The following ZMYND12 variants were observed in gnomAD, a reference collection of about 807,000 sequenced individuals.
ZMYND12 encodes the protein zinc finger MYND-type containing 12.
A neutral mutation model predicts 41.7 loss-of-function variants in ZMYND12; 32 were observed. The observed-to-expected ratio is 0.77, with a 90% confidence interval of 0.58 to 1.03. The LOEUF is 1.03. Ranked by LOEUF, ZMYND12 falls within the 50% of genes least tolerant of loss-of-function variation. ZMYND12 has a pLI of 0.00. For missense variants in ZMYND12, 424 were observed against 438.5 expected (o/e 0.97, Z 0.30); for synonymous variants, 148 against 164.8 (o/e 0.90, Z 0.78).
In ZMYND12 at chr1:42,435,328, G is replaced by A; in HGVS notation, c.775C>T (p.His259Tyr). ...NNHYQVLSQA[H>Y]IQQMDLLGKL... ...CCCAGTAAATCCATTTGTTGGATGT[G>A]AGCCTGTGAGAGGACTTGATAGTGA... The change falls in exon 6 of 8, where the codon CAC becomes TAC. Residue 259 changes from histidine (H) to tyrosine (Y), a missense_variant. Coordinates refer to ENST00000372565, the MANE Select transcript of ZMYND12 (RefSeq NM_032257.5). 1.2e-6 allele frequency: 2 copies of A among 1,614,124 alleles called. No individual in the cohort carries two copies. The highest frequency in any genetic ancestry group is 2.2e-5 in the East Asian group (1 of 44,878).
intron 3 of ZMYND12, among the ~76,000 whole-genome samples, chr1:42,440,296 T>C (rs569139979): frequency 1.3e-5 from 2 of 152,248 alleles, no homozygotes; most frequent in African/African-American, 4.8e-5. Context: ...GAGTGGAATA[T>C]TACTCAGTCA....
chr1:42,440,733 G>C (rs575535841), intron 3 of ZMYND12, among the ~76,000 whole-genome samples: 3 of 152,158 alleles, frequency 2.0e-5, no homozygotes, highest in South Asian at 2.1e-4. Flanking sequence ...GTAGTGGCGC[G>C]ATCTCGGCTC....
At chr1:42,444,766 A>G (rs1643004473) in intron 3 of ZMYND12, among the ~76,000 whole-genome samples, 1 of 150,940 alleles carries the variant, frequency 6.6e-6, no homozygotes, top group South Asian at 2.1e-4. Context: ...GAATACAATT[A>G]TTAATGGACT....
At chr1:42,451,759 G>A (rs187771413) in intron 1 of ZMYND12, among the ~76,000 whole-genome samples, 1 of 152,262 alleles carries the variant, frequency 6.6e-6, no homozygotes, top group Non-Finnish European at 1.5e-5. Context: ...ATCAATAAAA[G>A]CACTTAGCCA....
intron 3 of ZMYND12, among the ~76,000 whole-genome samples, chr1:42,445,065 G>C (rs1214798528): frequency 6.6e-6 from 1 of 151,096 alleles, no homozygotes; most frequent in Admixed American, 6.6e-5. Context: ...ACCTCAGCCT[G>C]CCAAAGTGCT....
chr1:42,430,859 C>T lies in ZMYND12; in HGVS notation c.976-1G>A. 1 of 1,614,030 alleles carries T rather than the reference C, an allele frequency of 6.2e-7. No homozygotes were observed. On this transcript the variant is annotated splice_acceptor_variant, in intron 7 of 7. Transcript: ENST00000372565. LOFTEE classifies it high-confidence loss of function. ...GGGCCCTCATGCCATATTCCTGTGCCTGAAATAGAATTGCAGTGACAAAAG... is the reference window on the plus strand; with the variant it reads ...GGGCCCTCATGCCATATTCCTGTGCTTGAAATAGAATTGCAGTGACAAAAG...
rs1379486151 is a variant in ZMYND12 at position 42,448,461 on chromosome 1, A to G, written c.424+6T>C. ...GATCCAAGGATCTCAAGTCGGTTTCACTCACCAAGGCTGGCCTCGGCCAAC... is the reference window on the plus strand; with the variant it reads ...GATCCAAGGATCTCAAGTCGGTTTCGCTCACCAAGGCTGGCCTCGGCCAAC... On this transcript the variant is annotated splice_donor_region_variant and intron_variant, in intron 3 of 7. Coordinates refer to ENST00000372565, the MANE Select transcript of ZMYND12 (RefSeq NM_032257.5). The G allele has an allele frequency of 1.9e-6, 3 of 1,577,346 alleles. No individual in the cohort carries two copies. The highest frequency in any genetic ancestry group is 2.6e-6 in the Non-Finnish European group (3 of 1,160,720).
At chr1:42,435,821 A>C (rs903275650) in intron 5 of ZMYND12, among the ~76,000 whole-genome samples, 2 of 152,188 alleles carry the variant, frequency 1.3e-5, no homozygotes, top group Non-Finnish European at 2.9e-5. Context: ...TCTGATTCTA[A>C]AGCTTTTAAA....
intron 1 of ZMYND12, among the ~76,000 whole-genome samples, chr1:42,450,497 A>T (rs1643072224): frequency 6.6e-6 from 1 of 152,152 alleles, no homozygotes; most frequent in African/African-American, 2.4e-5. Flanking sequence ...TGGTCTCATC[A>T]GTTCTCTCTG....
At chr1:42,451,817 C>T (rs938269188) in intron 1 of ZMYND12, among the ~76,000 whole-genome samples, 6 of 152,148 alleles carry the variant, frequency 3.9e-5, no homozygotes, top group African/African-American at 1.2e-4. Flanking sequence ...GGCTTGTAAG[C>T]AATGGAAATG....
At chr1:42,452,181 T>C (rs1260057819) in intron 1 of ZMYND12, among the ~76,000 whole-genome samples, 1 of 152,188 alleles carries the variant, frequency 6.6e-6, no homozygotes, top group Non-Finnish European at 1.5e-5. Context: ...ATCTGCAATA[T>C]TTTTTGCAAT....
In ZMYND12 at chr1:42,447,855, C is replaced by T. The variant is rs1300585110; in HGVS notation, c.424+612G>A. Among the ~76,000 whole-genome samples, 3 of 152,180 alleles carry T rather than the reference C, an allele frequency of 2.0e-5. No homozygotes were observed. The East Asian group carries it at 5.8e-4, about 29-fold the overall frequency. On this transcript the variant is annotated intron_variant, in intron 3 of 7. Coordinates refer to ENST00000372565, the MANE Select transcript of ZMYND12 (RefSeq NM_032257.5). ...TCTATACTCTCAGAATTGCCTCTCC[C>T]ATCTATAGGGGTGGGTTCCTGTATT...
intron 2 of ZMYND12, among the ~76,000 whole-genome samples, chr1:42,449,050 C>T (rs1393616692): frequency 6.6e-6 from 1 of 152,156 alleles, no homozygotes; most frequent in African/African-American, 2.4e-5. Context: ...CAGAATTATC[C>T]TGTTTAGCTA....
chr1:42,445,709 G>GAGAA (rs1383005717), intron 3 of ZMYND12, among the ~76,000 whole-genome samples: 1 of 152,140 alleles, frequency 6.6e-6, no homozygotes, highest in Non-Finnish European at 1.5e-5. Context: ...ATTGAGGTGA[G>GAGAA]AGAATTTGTT....
intron 4 of ZMYND12, among the ~76,000 whole-genome samples, chr1:42,439,489 C>T (rs1211363718): frequency 1.3e-5 from 2 of 152,128 alleles, no homozygotes; most frequent in Non-Finnish European, 2.9e-5. Flanking sequence ...CGGTCTCAAT[C>T]TCCTGACCTC....
intron 4 of ZMYND12, among the ~76,000 whole-genome samples, chr1:42,438,603 C>T (rs1275735489): frequency 1.3e-5 from 2 of 152,144 alleles, no homozygotes; most frequent in Admixed American, 1.3e-4. Context: ...CTATGCCTTC[C>T]ACTCTCCAAA....
At position 42,433,241 on chromosome 1, in the gene ZMYND12, T is replaced by C. The variant is rs781708002; in HGVS notation, c.877A>G (p.Asn293Asp). The change falls in exon 7 of 8, where the codon AAC becomes GAC. Residue 293 changes from asparagine to aspartate, a missense_variant. Asn to Asp is a conservative substitution (Grantham distance 23). Transcript: ENST00000372565. ...TTGTCAGATGTAGATTCTCGAATGT[T>C]CAAGATTGAAGTCAGGATGCGAATG... ...EAIRILTSIL[N>D]IRESTSDKAP... 1 of 1,612,634 alleles carries C rather than the reference T, an allele frequency of 6.2e-7. No homozygotes were observed. The highest frequency in any genetic ancestry group is 2.2e-5 in the East Asian group (1 of 44,844).
intron 7 of ZMYND12, among the ~76,000 whole-genome samples, chr1:42,432,577 A>G (rs1642864831): frequency 6.6e-6 from 1 of 152,128 alleles, no homozygotes; most frequent in Non-Finnish European, 1.5e-5. Flanking sequence ...AACCTGAGAT[A>G]TGCTACTTGC....
rs763895321 is a variant in ZMYND12, at chr1:42,448,479, C to T, written c.412G>A (p.Glu138Lys). ...ELVPAYLLLA[E>K]ASLGLGRIVQ... is the part of the protein sequence containing the mutation. ...CGGTTTCACTCACCAAGGCTGGCCT[C>T]GGCCAACAGCAGGTAAGCAGGCACA... The change falls in exon 3 of 8, where the codon GAG becomes AAG. Residue 138 changes from glutamate (E) to lysine (K), a missense_variant. Transcript: ENST00000372565. 3.1e-5 allele frequency: 50 copies of T among 1,597,460 alleles called. No homozygotes were observed. The highest frequency in any genetic ancestry group is 3.7e-5 in the Non-Finnish European group (43 of 1,171,328).
Sources: gnomAD v4.1 joint callset for allele counts (sites outside exome capture counted in the v4.1 genomes callset) on GRCh38, gnomAD v4.1.1 for gene constraint, MANE v1.5 for transcripts, NCBI Gene and HGNC (gene_info 2026-07-23, HGNC 2026-07-21) for gene names.